The following TNRC6A variants were observed in gnomAD, a reference collection of about 807,000 sequenced individuals.
TNRC6A encodes the protein trinucleotide repeat-containing gene 6A protein.
TNRC6A carries 44 observed loss-of-function variants against 221.2 expected under a neutral mutation model. The ratio of observed to expected loss-of-function variants is 0.20; its 90% CI spans 0.16 to 0.26. The LOEUF (loss-of-function observed/expected upper bound fraction) is 0.26, where lower values mean the gene tolerates loss of function less well. Ranked by LOEUF, TNRC6A falls within the 10% of genes least tolerant of loss-of-function variation. TNRC6A has a pLI of 1.00. For synonymous variants in TNRC6A, 847 were observed against 838.5 expected (o/e 1.01, Z -0.18); for missense variants, 2,199 against 2,404.4 (o/e 0.91, Z 1.79).
Position 24,818,550 on chromosome 16 carries a change from C to T in TNRC6A, c.4973-43C>T, listed in dbSNP as rs1282203514. The T allele has an allele frequency of 7.3e-6, 11 of 1,516,352 alleles. No individual in the cohort carries two copies. In the Admixed American group the frequency reaches 1.0e-4, roughly 14 times the overall value. The allele number at this position is 1,516,352 out of a possible 1,614,324, so 93.9% of individuals were successfully genotyped here. On this transcript the variant is annotated intron_variant, in intron 20 of 24. Coordinates refer to ENST00000395799, the MANE Select transcript of TNRC6A (RefSeq NM_014494.4). ...AGCTTTTGCTTTTTCTGAACCTCCACGTCCCTTGCTCTGGTGGCTGATTGG... is the reference window on the plus strand; with the variant it reads ...AGCTTTTGCTTTTTCTGAACCTCCATGTCCCTTGCTCTGGTGGCTGATTGG...
intron 2 of TNRC6A, among the ~76,000 whole-genome samples, chr16:24,653,547 G>A (rs563768972): frequency 1.1e-4 from 17 of 152,184 alleles, no homozygotes; most frequent in Middle Eastern, 6.8e-3. Flanking sequence ...AGGCTGAGGC[G>A]GGCAGATCAC....
rs146183875 is a variant in TNRC6A, at chr16:24,717,928, C to T, written n.403-32798C>T. Reference sequence around the variant, plus strand: ...CTGGATTATAGGCGCGTGCCACCACCCCCAGCTAATTTTATATTTTTAGTA... The same window carrying T: ...CTGGATTATAGGCGCGTGCCACCACTCCCAGCTAATTTTATATTTTTAGTA... On this transcript the variant is annotated intron_variant and non_coding_transcript_variant, in intron 2 of 2. Coordinates refer to the TNRC6A transcript ENST00000566108. Among the ~76,000 whole-genome samples, 1,022 of 151,636 alleles carry T rather than the reference C, an allele frequency of 6.7e-3. 6 individuals carry two copies. The highest frequency in any genetic ancestry group is 0.011 in the Admixed American group (167 of 15,166).
At chr16:24,810,994 C>A (rs2058531752) in intron 18 of TNRC6A, among the ~76,000 whole-genome samples, 2 of 147,848 alleles carry the variant, frequency 1.4e-5, no homozygotes, top group Admixed American at 6.7e-5. Context: ...TCCAGACAGA[C>A]CCCTCAGAGG....
intron 5 of TNRC6A, among the ~76,000 whole-genome samples, chr16:24,787,726 C>T (rs1251351196): frequency 2.0e-5 from 3 of 152,134 alleles, no homozygotes; most frequent in Admixed American, 6.5e-5. Context: ...ATATCATTTC[C>T]GGTCTCTCTC....
chr16:24,614,824 C>T (rs573447971), intron 1 of TNRC6A, among the ~76,000 whole-genome samples: 1 of 152,224 alleles, frequency 6.6e-6, no homozygotes, highest in East Asian at 1.9e-4. Flanking sequence ...AATCCCAGCA[C>T]TTTGGGAGAA....
At chr16:24,674,227 G>A (rs995667313) in intron 2 of TNRC6A, among the ~76,000 whole-genome samples, 9 of 151,650 alleles carry the variant, frequency 5.9e-5, no homozygotes, top group Non-Finnish European at 1.2e-4. Context: ...GTGCCACCAC[G>A]CCAGCTATTT....
chr16:24,812,796 A>G (rs969961296), intron 18 of TNRC6A, among the ~76,000 whole-genome samples: 13 of 151,374 alleles, frequency 8.6e-5, no homozygotes, highest in Non-Finnish European at 1.5e-4. Flanking sequence ...CGTGAGTGCA[A>G]TTAGCTACTT....
chr16:24,737,823 A>G (rs1055367570), intron 2 of TNRC6A, among the ~76,000 whole-genome samples: 3 of 149,600 alleles, frequency 2.0e-5, no homozygotes, highest in African/African-American at 7.4e-5. Context: ...TCTTTCTCCC[A>G]TTCTTTTGAA....
At chr16:24,813,312 C>T (rs925497412) in intron 18 of TNRC6A, among the ~76,000 whole-genome samples, 6 of 152,140 alleles carry the variant, frequency 3.9e-5, no homozygotes, top group South Asian at 2.1e-4. Context: ...ACATTTTACC[C>T]GATAAGTAGT....
chr16:24,714,300 A>AT (rs1685564892), intron 2 of TNRC6A, among the ~76,000 whole-genome samples: 1 of 109,044 alleles, frequency 9.2e-6, no homozygotes, highest in African/African-American at 3.8e-5. Context: ...TTTGCTGTTA[A>AT]TCTTTTTTTT....
chr16:24,776,568 A>G, intron 4 of TNRC6A: 1 of 985,480 alleles, frequency 1.0e-6, no homozygotes, highest in Non-Finnish European at 1.2e-6. Context: ...CCTTAGGACT[A>G]CTGAAAATTG....
intron 1 of TNRC6A, among the ~76,000 whole-genome samples, chr16:24,633,614 C>G (rs1447645332): frequency 6.6e-6 from 1 of 152,046 alleles, no homozygotes; most frequent in African/African-American, 2.4e-5. Context: ...AGGCAGACCT[C>G]GAACTCCTGA....
At chr16:24,699,333 T>A (rs1456928454) in intron 2 of TNRC6A, among the ~76,000 whole-genome samples, 1 of 152,008 alleles carries the variant, frequency 6.6e-6, no homozygotes, top group Admixed American at 6.6e-5. Context: ...AGAGAGACAA[T>A]CAACCCAGGA....
chr16:24,656,666 A>C (rs1233592904), intron 2 of TNRC6A, among the ~76,000 whole-genome samples: 1 of 152,164 alleles, frequency 6.6e-6, no homozygotes, highest in African/African-American at 2.4e-5. Context: ...AAAGGGCAAA[A>C]TATTTAGAAC....
At chr16:24,702,403 C>T (rs565103203) in intron 2 of TNRC6A, among the ~76,000 whole-genome samples, 2 of 151,874 alleles carry the variant, frequency 1.3e-5, no homozygotes, top group African/African-American at 4.8e-5. Context: ...GTCTTGAACT[C>T]CTGGGCTAAA....
chr16:24,766,371 A>T (rs75934260), intron 4 of TNRC6A, among the ~76,000 whole-genome samples: 2,129 of 152,332 alleles, frequency 0.014, 33 homozygotes, highest in South Asian at 0.028. Flanking sequence ...GTAAATTTTA[A>T]TATCCACCAT....
At chr16:24,812,793 G>T (rs2058573622) in intron 18 of TNRC6A, among the ~76,000 whole-genome samples, 1 of 150,622 alleles carries the variant, frequency 6.6e-6, no homozygotes, top group Non-Finnish European at 1.5e-5. Context: ...ACACGTGAGT[G>T]CAATTAGCTA....
chr16:24,806,548 T>A (rs762342182), intron 16 of TNRC6A, 26 bp from the exon 17 acceptor site: 1 of 1,612,302 alleles, frequency 6.2e-7, no homozygotes, highest in Non-Finnish European at 8.5e-7. Flanking sequence ...CCCAGTAATT[T>A]TTTCCAATCA....
In TNRC6A at chr16:24,673,872, C is replaced by T. The variant is rs144918409; in HGVS notation, n.402+32863C>T. Among the ~76,000 whole-genome samples the T allele has an allele frequency of 2.6e-4, 39 of 152,258 alleles. No homozygotes were observed. The East Asian group carries it at 6.8e-3, about 26-fold the overall frequency. On this transcript the variant is annotated intron_variant and non_coding_transcript_variant, in intron 2 of 2. Coordinates refer to the TNRC6A transcript ENST00000566108. Reference sequence around the variant, plus strand: ...CATGTCCGGCCTCAAGAAATATTTTCGTGAGAACCGTGTAATGGGCACTAG... The same window carrying T: ...CATGTCCGGCCTCAAGAAATATTTTTGTGAGAACCGTGTAATGGGCACTAG...
Sources: allele counts gnomAD v4.1 joint callset (sites outside exome capture counted in the v4.1 genomes callset), GRCh38; gene constraint gnomAD v4.1.1; transcripts MANE v1.5; gene names NCBI Gene and HGNC (gene_info 2026-07-23, HGNC 2026-07-21).